Variants in ZNF462 observed in about 807,000 individuals in gnomAD.
The protein encoded by ZNF462 is zinc finger PBX1-interacting protein.
A neutral mutation model predicts 201.9 loss-of-function variants in ZNF462; 10 were observed. That is an observed-to-expected ratio of 0.05 (90% CI 0.03 to 0.08). The LOEUF is 0.08. Among genes scored for constraint, ZNF462 ranks in the 10% least tolerant of loss-of-function variants. ZNF462 has a pLI of 1.00. For missense variants in ZNF462, 2,523 were observed against 3,168.3 expected (o/e 0.80, Z 4.89); for synonymous variants, 1,227 against 1,193.3 (o/e 1.03, Z -0.58).
chr9:106,873,416 CTT>C (rs551556868), intron 1 of ZNF462, among the ~76,000 whole-genome samples: 1 of 145,430 alleles, frequency 6.9e-6, no homozygotes, highest in Non-Finnish European at 1.5e-5. Flanking sequence ...ATGCTGGTGA[CTT>C]TTTTTTTTTG....
chr9:106,972,287 G>A lies in ZNF462; in HGVS notation c.6695+15G>A, dbSNP rs1458987930. On this transcript the variant is annotated intron_variant, in intron 8 of 12. Transcript: ENST00000277225. This position sits in a 1 kb window ranked among gnomAD's most constrained non-coding sequence, Gnocchi z 4.8. ...ACAGGCTTTAAGTAAGTGACGTAAT[G>A]AACAGCTATGGAAAACAAGGCGGCC... The A allele has an allele frequency of 6.2e-7, 1 of 1,610,136 alleles. No homozygotes were observed. Among genetic ancestry groups the A allele is most frequent in the Non-Finnish European group, 8.5e-7 (1 of 1,177,566 alleles).
chr9:106,887,831 AT>A (rs1828389283), intron 1 of ZNF462, among the ~76,000 whole-genome samples: 1 of 152,204 alleles, frequency 6.6e-6, no homozygotes, highest in South Asian at 2.1e-4. Flanking sequence ...TACATAGTTT[AT>A]GTAGTACATT....
Position 107,009,687 on chromosome 9 carries a change from A to C in ZNF462, c.7313+19A>C. 1 of 1,277,402 alleles carries C rather than the reference A, an allele frequency of 7.8e-7. No individual in the cohort carries two copies. Among genetic ancestry groups the C allele is most frequent in the Non-Finnish European group, 1.1e-6 (1 of 941,406 alleles). 79.1% of individuals were successfully genotyped at this position (1,277,402 alleles called of 1,614,324 possible). ...ACGGCATGTAAGTTGGGCCACTTCA[A>C]GGATGCCTTTGTCCAAAGCAAGAGG... is the stretch of plus-strand genomic sequence containing the variant. On this transcript the variant is annotated intron_variant, in intron 12 of 12. Transcript: ENST00000277225. The surrounding 1 kb of genome is among the most constrained non-coding windows in gnomAD (Gnocchi z 6.1).
rs775625915 is a variant in ZNF462, at chr9:106,924,929, G to A, written c.1017G>A (p.Ser339=). 18 of 1,614,062 alleles carry A rather than the reference G, an allele frequency of 1.1e-5. No individual in the cohort carries two copies. The highest frequency in any genetic ancestry group is 7.7e-5 in the South Asian group (7 of 91,076). Residue 339 remains serine (S), a synonymous_variant, in exon 3 of 13, where the codon TCG becomes TCA. Coordinates refer to ENST00000277225, the MANE Select transcript of ZNF462 (RefSeq NM_021224.6). This position sits in a 1 kb window ranked among gnomAD's most constrained non-coding sequence, Gnocchi z 6.2. ...MRPNSSASKF[S]PMSYPQMKPK... is the part of the protein sequence containing the mutation. The stretch of plus-strand genomic sequence containing the variant: ...CCAATTCTTCAGCTTCCAAGTTTTC[G>A]CCCATGTCTTACCCTCAGATGAAGC...
intron 1 of ZNF462, among the ~76,000 whole-genome samples, chr9:106,901,225 G>A (rs1267553887): frequency 1.3e-5 from 2 of 151,084 alleles, no homozygotes; most frequent in Non-Finnish European, 2.9e-5. Context: ...TCAGTTGGCT[G>A]TAAGTATTTG....
chr9:106,985,452 G>T (rs1381187194), intron 10 of ZNF462, among the ~76,000 whole-genome samples: 16 of 152,084 alleles, frequency 1.1e-4, no homozygotes, highest in Admixed American at 9.2e-4. Flanking sequence ...AATCACACAG[G>T]ACAACTTCCT....
In ZNF462 at chr9:106,885,505, T is replaced by C. The variant is rs1460152564; in HGVS notation, c.-31+22150T>C. 6.6e-6 allele frequency among the ~76,000 whole-genome samples: 1 copy of C among 152,188 alleles called. No individual in the cohort carries two copies. Among genetic ancestry groups the C allele is most frequent in the African/African-American group, 2.4e-5 (1 of 41,454 alleles). ...GTTCAAGAAAGGGAGTATAGTCTCT[T>C]TAAAGTTATTTTGAGGAGTTGGACA... On this transcript the variant is annotated intron_variant, in intron 1 of 12. Coordinates refer to ENST00000277225, the MANE Select transcript of ZNF462 (RefSeq NM_021224.6). The surrounding 1 kb of genome is among the most constrained non-coding windows in gnomAD (Gnocchi z 4.1).
chr9:106,873,753 C>T (rs1197061074), intron 1 of ZNF462, among the ~76,000 whole-genome samples: 2 of 152,030 alleles, frequency 1.3e-5, no homozygotes, highest in Admixed American at 6.5e-5. Flanking sequence ...CACAAATGTC[C>T]CTAATAGAGT....
intron 10 of ZNF462, among the ~76,000 whole-genome samples, chr9:106,998,254 T>C (rs185234554): frequency 1.3e-5 from 2 of 152,296 alleles, no homozygotes; most frequent in African/African-American, 4.8e-5. Flanking sequence ...AAGTGGACTT[T>C]CTCAATCTCA....
rs950248983 is a variant in ZNF462 at position 107,010,742 on chromosome 9, G to A, written c.7314-81G>A. 4.0e-5 allele frequency: 53 copies of A among 1,321,532 alleles called. No homozygotes were observed. Among genetic ancestry groups the A allele is most frequent in the Middle Eastern group, 2.5e-4 (1 of 4,024 alleles). The allele number at this position is 1,321,532 out of a possible 1,614,324, so 81.9% of individuals were successfully genotyped here. ...GAGGATCAGGAAAATAAAGACACTC[G>A]AGGGTTTTTATTATTTTTTTGTTTA... On this transcript the variant is annotated intron_variant, in intron 12 of 12. Transcript: ENST00000277225. This position sits in a 1 kb window ranked among gnomAD's most constrained non-coding sequence, Gnocchi z 4.6.
In ZNF462 at chr9:106,954,871, G is replaced by GT. The variant is rs1270580101; in HGVS notation, c.6427+15769dup. ...CAGGAGGGAGCTCTTTAGGAGCAGG[G>GT]TTTTTGTTATTTTTTTATTCTGAAC... On this transcript the variant is annotated intron_variant, in intron 7 of 12. Transcript: ENST00000277225. The surrounding 1 kb of genome is among the most constrained non-coding windows in gnomAD (Gnocchi z 4.0). 6.6e-6 allele frequency among the ~76,000 whole-genome samples: 1 copy of GT among 152,096 alleles called. No homozygotes were observed. Among genetic ancestry groups the GT allele is most frequent in the Admixed American group, 6.6e-5 (1 of 15,254 alleles).
intron 1 of ZNF462, among the ~76,000 whole-genome samples, chr9:106,914,867 CA>C: frequency 6.6e-6 from 1 of 152,042 alleles, no homozygotes; most frequent in Admixed American, 6.6e-5. Context: ...ATAGAGTTGT[CA>C]AGGAAAGCCC....
upstream of ZNF462, among the ~76,000 whole-genome samples, chr9:106,861,416 G>A (rs117895893): frequency 2.9e-4 from 44 of 152,310 alleles, no homozygotes; most frequent in East Asian, 7.7e-3. Flanking sequence ...AAAGAGGACA[G>A]ACTTGCCCAG....
intron 10 of ZNF462, among the ~76,000 whole-genome samples, chr9:106,986,171 G>T (rs991444790): frequency 3.3e-5 from 5 of 152,138 alleles, no homozygotes; most frequent in African/African-American, 9.7e-5. Context: ...AATCACTGAG[G>T]AAATCCAGAA....
intron 7 of ZNF462, among the ~76,000 whole-genome samples, chr9:106,953,302 C>T (rs978915396): frequency 2.6e-5 from 4 of 152,168 alleles, no homozygotes; most frequent in Non-Finnish European, 5.9e-5. Context: ...TTGCTGTTTA[C>T]ACCTGCTGCC....
In ZNF462 at chr9:106,902,463, C is replaced by A. The variant is rs963081299; in HGVS notation, c.-30-20891C>A. Among the ~76,000 whole-genome samples the A allele has an allele frequency of 3.3e-5, 5 of 152,018 alleles. No individual in the cohort carries two copies. On this transcript the variant is annotated intron_variant, in intron 1 of 12. Coordinates refer to ENST00000277225, the MANE Select transcript of ZNF462 (RefSeq NM_021224.6). The surrounding 1 kb of genome is among the most constrained non-coding windows in gnomAD (Gnocchi z 4.2). ...ATGAATTAGGGAGGGTTCTCTCTCT[C>A]TCTCTGTCTTGTGGAATAGTGTCAA...
intron 11 of ZNF462, among the ~76,000 whole-genome samples, chr9:107,007,301 G>A (rs755089588): frequency 2.5e-4 from 38 of 152,308 alleles, no homozygotes; most frequent in Admixed American, 6.5e-4. Flanking sequence ...GTTGAGATGT[G>A]TGTGGTATAC....
At chr9:106,875,718 A>T (rs1338274899) in intron 1 of ZNF462, among the ~76,000 whole-genome samples, 4 of 152,198 alleles carry the variant, frequency 2.6e-5, no homozygotes, top group Non-Finnish European at 5.9e-5. Context: ...ATCAGAAGTG[A>T]TACAGTGTGG....
chr9:106,921,884 G>A (rs191751114), intron 1 of ZNF462, among the ~76,000 whole-genome samples: 1 of 152,354 alleles, frequency 6.6e-6, no homozygotes, highest in East Asian at 1.9e-4. Flanking sequence ...TAGCTGAAAA[G>A]AGTCTGGTGC....
Sources: gnomAD v4.1 joint callset for allele counts (sites outside exome capture counted in the v4.1 genomes callset) on GRCh38, gnomAD v4.1.1 for gene constraint, Gnocchi (gnomAD v3.1) non-coding constraint, MANE v1.5 for transcripts, NCBI Gene and HGNC (gene_info 2026-07-23, HGNC 2026-07-21) for gene names.